ARHGAP42: variants seen among roughly 807,000 people sequenced by gnomAD.
ARHGAP42 encodes rho GTPase-activating protein 42.
In ARHGAP42, 63 loss-of-function variants were observed where a neutral mutation model predicts 125.0. The observed-to-expected ratio is 0.50, with a 90% CI of 0.41 to 0.62. ARHGAP42 has a LOEUF of 0.62. ARHGAP42 is among the 20% of genes least tolerant of loss of function. The probability of loss-of-function intolerance (pLI) is 0.00; values close to 1 mark genes in which losing one functional copy is unlikely to be tolerated. For missense variants in ARHGAP42, 766 were observed against 1,024.2 expected (o/e 0.75, Z 3.44); for synonymous variants, 339 against 351.0 (o/e 0.97, Z 0.38).
chr11:100,796,582 T>A (rs1863721878), intron 3 of ARHGAP42, among the ~76,000 whole-genome samples: 1 of 152,118 alleles, frequency 6.6e-6, no homozygotes, highest in African/African-American at 2.4e-5. Context: ...AGCAAAGTGG[T>A]GAGTGCAAAG....
intron 1 of ARHGAP42, among the ~76,000 whole-genome samples, chr11:100,732,967 G>C (rs988871012): frequency 6.6e-6 from 1 of 152,150 alleles, no homozygotes; most frequent in Non-Finnish European, 1.5e-5. Flanking sequence ...AAAATATTGA[G>C]TCAGATTAAC....
intron 4 of ARHGAP42, among the ~76,000 whole-genome samples, chr11:100,901,661 G>A (rs1866553913): frequency 6.6e-6 from 1 of 152,212 alleles, no homozygotes; most frequent in Non-Finnish European, 1.5e-5. Context: ...CTCACTGTTT[G>A]ATCTCAGAGT....
At chr11:100,817,095 C>T (rs1864283938) in intron 3 of ARHGAP42, among the ~76,000 whole-genome samples, 1 of 152,204 alleles carries the variant, frequency 6.6e-6, no homozygotes, top group Non-Finnish European at 1.5e-5. Flanking sequence ...AATTCATTTC[C>T]AGTCAGAGGA....
At chr11:100,906,089 G>A (rs1266191769) in intron 4 of ARHGAP42, among the ~76,000 whole-genome samples, 1 of 152,086 alleles carries the variant, frequency 6.6e-6, no homozygotes, top group African/African-American at 2.4e-5. Flanking sequence ...CTAATTTTCT[G>A]GAAGATCATA....
chr11:100,903,665 G>T (rs1270753170), intron 4 of ARHGAP42, among the ~76,000 whole-genome samples: 2 of 134,062 alleles, frequency 1.5e-5, no homozygotes, highest in Non-Finnish European at 3.1e-5. Flanking sequence ...ATTAGTCAGG[G>T]TTCTCTTAGA....
intron 2 of ARHGAP42, among the ~76,000 whole-genome samples, chr11:100,774,239 A>T (rs1863055386): frequency 6.6e-6 from 1 of 152,212 alleles, no homozygotes; most frequent in African/African-American, 2.4e-5. Flanking sequence ...AAACTGGAAA[A>T]TGTATCCCTG....
At chr11:100,859,368 G>T in intron 3 of ARHGAP42, 186 bp from the exon 4 acceptor site, 1 of 444,548 alleles carries the variant, frequency 2.2e-6, no homozygotes. Flanking sequence ...TAGGATCAAG[G>T]GAAATAATAT....
At chr11:100,789,512 A>G (rs539007813) in intron 2 of ARHGAP42, among the ~76,000 whole-genome samples, 108 of 152,306 alleles carry the variant, frequency 7.1e-4, no homozygotes, top group African/African-American at 2.5e-3. Flanking sequence ...CAAGCAAGCC[A>G]TGGGTGCAGT....
At chr11:100,825,575 G>T (rs1020478160) in intron 3 of ARHGAP42, among the ~76,000 whole-genome samples, 7 of 152,178 alleles carry the variant, frequency 4.6e-5, no homozygotes, top group African/African-American at 1.7e-4. Flanking sequence ...TCTGGCTTGT[G>T]TTGTCTTGGA....
chr11:100,926,179 A>T (rs1867417037), intron 6 of ARHGAP42, among the ~76,000 whole-genome samples: 1 of 152,182 alleles, frequency 6.6e-6, no homozygotes, highest in Admixed American at 6.5e-5. Context: ...GAGCCTACTT[A>T]GTTGGACTGA....
chr11:100,695,051 A>C (rs1861252284), intron 1 of ARHGAP42, among the ~76,000 whole-genome samples: 1 of 152,166 alleles, frequency 6.6e-6, no homozygotes, highest in African/African-American at 2.4e-5. Context: ...AAAATAATAA[A>C]AACACTTGCT....
intron 1 of ARHGAP42, among the ~76,000 whole-genome samples, chr11:100,740,765 A>G (rs1002732545): frequency 6.6e-6 from 1 of 152,188 alleles, no homozygotes; most frequent in Non-Finnish European, 1.5e-5. Flanking sequence ...TTGCTGCTCC[A>G]GGGAAGATTC....
At chr11:100,945,581 G>A (rs932921824) in intron 10 of ARHGAP42, among the ~76,000 whole-genome samples, 5 of 152,036 alleles carry the variant, frequency 3.3e-5, no homozygotes, top group African/African-American at 1.2e-4. Flanking sequence ...TATATGTTGT[G>A]TCAGCAGGCA....
intron 3 of ARHGAP42, among the ~76,000 whole-genome samples, chr11:100,847,239 A>T (rs375551450): frequency 6.6e-6 from 1 of 152,176 alleles, no homozygotes; most frequent in South Asian, 2.1e-4. Context: ...TTCCACATAG[A>T]TAAGTAATGA....
chr11:100,779,460 A>T (rs759571324), intron 2 of ARHGAP42, among the ~76,000 whole-genome samples: 17,998 of 74,796 alleles, frequency 0.24, 2,432 homozygotes, highest in South Asian at 0.34. Flanking sequence ...AAAAAAAAAA[A>T]AAAAAAAATA....
chr11:100,890,553 T>C (rs1481524261), intron 4 of ARHGAP42, among the ~76,000 whole-genome samples: 2 of 152,172 alleles, frequency 1.3e-5, no homozygotes, highest in Non-Finnish European at 2.9e-5. Context: ...AGTGGTGAAA[T>C]CAGGATTTGG....
At chr11:100,711,757 A>G (rs1241148610) in intron 1 of ARHGAP42, among the ~76,000 whole-genome samples, 1 of 152,244 alleles carries the variant, frequency 6.6e-6, no homozygotes, top group African/African-American at 2.4e-5. Context: ...CAGGAAGCCA[A>G]TAGGTAACTG....
intron 5 of ARHGAP42, among the ~76,000 whole-genome samples, chr11:100,917,144 A>C (rs556371029): frequency 1.4e-4 from 22 of 152,210 alleles, no homozygotes; most frequent in African/African-American, 5.1e-4. Context: ...GCTTACAATA[A>C]TGAATATTTT....
chr11:100,980,629 G>A (rs371067302), intron 22 of ARHGAP42, among the ~76,000 whole-genome samples: 1 of 129,804 alleles, frequency 7.7e-6, no homozygotes, highest in Non-Finnish European at 1.6e-5. Context: ...GGAGTGCAGT[G>A]GTGCGATCTT....
Sources: allele counts gnomAD v4.1 joint callset (sites outside exome capture counted in the v4.1 genomes callset), GRCh38; gene constraint gnomAD v4.1.1; transcripts MANE v1.5; gene names NCBI Gene and HGNC (gene_info 2026-07-23, HGNC 2026-07-21).